CDK19: variants seen among roughly 807,000 people sequenced by gnomAD.
CDK19 encodes cyclin-dependent kinase 19.
Under a neutral mutation model 68.3 loss-of-function variants are expected in CDK19, and 20 were observed. The ratio of observed to expected loss-of-function variants is 0.29; its 90% CI spans 0.21 to 0.43. The LOEUF (loss-of-function observed/expected upper bound fraction) is 0.43. CDK19 is among the 20% of genes least tolerant of loss of function. The probability of loss-of-function intolerance (pLI) is 1.00; values close to 1 mark genes in which losing one functional copy is unlikely to be tolerated. For synonymous variants in CDK19, 221 were observed against 222.8 expected (o/e 0.99, Z 0.07); for missense variants, 339 against 623.5 (o/e 0.54, Z 4.86).
At chr6:110,664,323 C>T (rs903732881) in intron 4 of CDK19, among the ~76,000 whole-genome samples, 1 of 152,148 alleles carries the variant, frequency 6.6e-6, no homozygotes, top group African/African-American at 2.4e-5. Flanking sequence ...CAAACTTACC[C>T]TTATCCCCTA....
At chr6:110,661,289 C>T (rs1465045974) in intron 4 of CDK19, among the ~76,000 whole-genome samples, 2 of 152,008 alleles carry the variant, frequency 1.3e-5, no homozygotes, top group East Asian at 3.9e-4. Context: ...CTGGATAGGC[C>T]CATTGTATGT....
intron 2 of CDK19, among the ~76,000 whole-genome samples, chr6:110,721,164 C>T (rs1049884949): frequency 9.2e-5 from 14 of 152,150 alleles, no homozygotes; most frequent in African/African-American, 2.6e-4. Context: ...CGCTTGAACC[C>T]GGGAGGCGGA....
At chr6:110,800,706 A>G (rs1485307364) in intron 1 of CDK19, among the ~76,000 whole-genome samples, 2 of 152,346 alleles carry the variant, frequency 1.3e-5, no homozygotes, top group African/African-American at 4.8e-5. Context: ...AAACCACACG[A>G]TCATCTCAAT....
intron 2 of CDK19, among the ~76,000 whole-genome samples, chr6:110,677,239 C>T (rs978653118): frequency 6.6e-6 from 1 of 152,072 alleles, no homozygotes; most frequent in Admixed American, 6.6e-5. Context: ...AGGCAAAGAC[C>T]ATATAAAAGG....
At chr6:110,760,887 A>G (rs1472540357) in intron 1 of CDK19, among the ~76,000 whole-genome samples, 2 of 152,228 alleles carry the variant, frequency 1.3e-5, no homozygotes, top group Non-Finnish European at 2.9e-5. Flanking sequence ...AAACTTAAGT[A>G]GTCTGGCTAA....
At chr6:110,806,295 G>A (rs1056264668) in intron 1 of CDK19, among the ~76,000 whole-genome samples, 21 of 150,756 alleles carry the variant, frequency 1.4e-4, no homozygotes, top group Non-Finnish European at 1.9e-4. Flanking sequence ...AGCCAAGATC[G>A]TGCCATCACA....
intron 2 of CDK19, among the ~76,000 whole-genome samples, chr6:110,699,968 A>G (rs117615876): frequency 0.02 from 3,048 of 152,316 alleles, 48 homozygotes; most frequent in Non-Finnish European, 0.033. Flanking sequence ...GGAGGTGGGC[A>G]GCAGGTAAGT....
chr6:110,808,537 T>C (rs1017052646), intron 1 of CDK19, among the ~76,000 whole-genome samples: 1 of 152,212 alleles, frequency 6.6e-6, no homozygotes, highest in African/African-American at 2.4e-5. Context: ...ATATTTAGTA[T>C]CTGCCAGAAA....
At chr6:110,653,481 T>A (rs1183129005) in intron 4 of CDK19, among the ~76,000 whole-genome samples, 2 of 152,188 alleles carry the variant, frequency 1.3e-5, no homozygotes, top group East Asian at 1.9e-4. Context: ...TAACACAGAC[T>A]ATGCTTTACT....
chr6:110,693,596 G>A (rs1215184381), intron 2 of CDK19, among the ~76,000 whole-genome samples: 1 of 152,192 alleles, frequency 6.6e-6, no homozygotes, highest in Admixed American at 6.5e-5. Context: ...CTTGCTGGCT[G>A]TGTGGGAGCT....
intron 2 of CDK19, among the ~76,000 whole-genome samples, chr6:110,738,926 T>C (rs1777450400): frequency 6.6e-6 from 1 of 152,174 alleles, no homozygotes; most frequent in African/African-American, 2.4e-5. Context: ...GTGGAAGAAC[T>C]GCAAGTGACA....
At chr6:110,689,270 A>G (rs886684446) in intron 2 of CDK19, among the ~76,000 whole-genome samples, 11 of 152,058 alleles carry the variant, frequency 7.2e-5, no homozygotes, top group African/African-American at 2.7e-4. Flanking sequence ...AGGGAATCAG[A>G]GCACAGACCT....
rs966725648 is a variant in CDK19, at chr6:110,712,336, T to G, written c.204+33790A>C. ...AGCTTCTTTTCGCATTTCCAGGTAC[T>G]AATACTCTATGGAACATAATTTGGG... On this transcript the variant is annotated intron_variant, in intron 2 of 12. Transcript: ENST00000368911. 4.6e-5 allele frequency among the ~76,000 whole-genome samples: 7 copies of G among 152,210 alleles called. No individual in the cohort carries two copies. In the South Asian group the frequency reaches 1.2e-3, roughly 27 times the overall value.
intron 1 of CDK19, among the ~76,000 whole-genome samples, chr6:110,754,917 A>C (rs577413120): frequency 6.6e-6 from 1 of 152,298 alleles, no homozygotes; most frequent in East Asian, 1.9e-4. Flanking sequence ...AGCACATAAC[A>C]TGTGTCAAGC....
intron 1 of CDK19, among the ~76,000 whole-genome samples, chr6:110,754,497 T>TC (rs1170160272): frequency 6.6e-6 from 1 of 151,804 alleles, no homozygotes; most frequent in Admixed American, 6.6e-5. Context: ...TTTTTTTTTT[T>TC]CAAGACGGAG....
chr6:110,682,530 C>T (rs1248199198), intron 2 of CDK19, among the ~76,000 whole-genome samples: 1 of 152,102 alleles, frequency 6.6e-6, no homozygotes, highest in African/African-American at 2.4e-5. Flanking sequence ...CAGCAGGTGG[C>T]ACTCATACTC....
At chr6:110,717,936 G>A (rs914439147) in intron 2 of CDK19, among the ~76,000 whole-genome samples, 2 of 152,150 alleles carry the variant, frequency 1.3e-5, no homozygotes, top group Non-Finnish European at 2.9e-5. Context: ...CCCGACCACA[G>A]GTGATCTGCC....
At chr6:110,792,322 C>T (rs1431702171) in intron 1 of CDK19, among the ~76,000 whole-genome samples, 1 of 151,818 alleles carries the variant, frequency 6.6e-6, no homozygotes, top group Non-Finnish European at 1.5e-5. Flanking sequence ...TCTCCTTTAC[C>T]TTTTTTCTTT....
At chr6:110,772,761 C>T (rs1247450567) in intron 1 of CDK19, among the ~76,000 whole-genome samples, 1 of 151,366 alleles carries the variant, frequency 6.6e-6, no homozygotes, top group African/African-American at 2.4e-5. Context: ...GGTGTGGTGG[C>T]GTGAGCCTGT....
Sources: gnomAD v4.1 joint callset for allele counts (sites outside exome capture counted in the v4.1 genomes callset) on GRCh38, gnomAD v4.1.1 for gene constraint, MANE v1.5 for transcripts, NCBI Gene and HGNC (gene_info 2026-07-23, HGNC 2026-07-21) for gene names.